WWOX: variants seen among roughly 807,000 people sequenced by gnomAD.
The protein encoded by WWOX is WW domain containing oxidoreductase.
Under a neutral mutation model 46.2 loss-of-function variants are expected in WWOX, and 69 were observed. The ratio of observed to expected loss-of-function variants is 1.49; its 90% CI spans 1.23 to 1.82. The LOEUF is 1.82. Among genes scored for constraint, WWOX ranks in the 40% most tolerant of loss-of-function variants. The pLI, the probability that WWOX is intolerant of heterozygous loss-of-function variation, is 0.00. For missense variants in WWOX, 919 were observed against 542.6 expected, an observed-to-expected ratio of 1.69 and a Z score of -6.89; for synonymous variants, 359 against 202.6, an observed-to-expected ratio of 1.77 and a Z score of -6.56.
At chr16:78,672,788 T>A (rs141940478) in intron 8 of WWOX, among the ~76,000 whole-genome samples, 2 of 152,372 alleles carry the variant, frequency 1.3e-5, no homozygotes, top group East Asian at 3.9e-4. Context: ...CTGACAGCTC[T>A]TGAGTTTCCA....
rs547273238 is a variant in WWOX at position 79,145,639 on chromosome 16, TTAAG to T, written c.1057-65965_1057-65962del. ...CAAATACAGTAAGACAAAAAAAGTC[TTAAG>T]TAATGGGATGAAACCAAAATGTTCT... On this transcript the variant is annotated intron_variant, in intron 8 of 8. Transcript: ENST00000566780. Among the ~76,000 whole-genome samples the T allele has an allele frequency of 1.1e-4, 17 of 152,326 alleles. No individual in the cohort carries two copies. The East Asian group carries it at 3.3e-3, about 29-fold the overall frequency.
chr16:79,188,241 A>G (rs1489230370), intron 8 of WWOX, among the ~76,000 whole-genome samples: 1 of 152,156 alleles, frequency 6.6e-6, no homozygotes, highest in Non-Finnish European at 1.5e-5. Context: ...AAATGGAAAC[A>G]CACACTTTTG....
At chr16:78,410,103 C>T (rs113963630) in intron 6 of WWOX, among the ~76,000 whole-genome samples, 12 of 152,246 alleles carry the variant, frequency 7.9e-5, no homozygotes, top group African/African-American at 2.4e-4. Flanking sequence ...TGATATCTGG[C>T]ACCTTCCTTC....
intron 8 of WWOX, among the ~76,000 whole-genome samples, chr16:79,183,117 G>A (rs73584706): frequency 0.029 from 4,352 of 152,270 alleles, 187 homozygotes; most frequent in African/African-American, 0.099. Flanking sequence ...CATGCAGGTG[G>A]AACCACACCG....
At chr16:79,103,000 C>T (rs1434547806) in intron 8 of WWOX, among the ~76,000 whole-genome samples, 3 of 152,110 alleles carry the variant, frequency 2.0e-5, no homozygotes, top group South Asian at 2.1e-4. Flanking sequence ...CTCCTTTCTC[C>T]TCATCCTCTT....
chr16:79,081,526 C>G (rs1013994384), intron 8 of WWOX, among the ~76,000 whole-genome samples: 11 of 152,176 alleles, frequency 7.2e-5, no homozygotes, highest in South Asian at 2.1e-4. Flanking sequence ...AGACCTTGTA[C>G]TTTGGAATCA....
At chr16:78,182,672 A>C (rs2035567294) in intron 5 of WWOX, among the ~76,000 whole-genome samples, 1 of 151,930 alleles carries the variant, frequency 6.6e-6, no homozygotes, top group African/African-American at 2.4e-5. Context: ...AAAGGTTCTC[A>C]CTGGGTGTGG....
intron 8 of WWOX, among the ~76,000 whole-genome samples, chr16:78,655,647 T>G (rs2047063923): frequency 6.6e-6 from 1 of 152,290 alleles, no homozygotes; most frequent in Admixed American, 6.5e-5. Flanking sequence ...TTTGGAATTA[T>G]ACGGTCATTT....
chr16:78,163,513 T>G (rs751830049), intron 4 of WWOX, among the ~76,000 whole-genome samples: 14 of 152,220 alleles, frequency 9.2e-5, no homozygotes, highest in Non-Finnish European at 1.9e-4. Flanking sequence ...ACCACTATGT[T>G]TGGAAATGAA....
At chr16:78,891,972 A>C (rs2044600305) in intron 8 of WWOX, 1 of 152,198 alleles carries the variant, frequency 6.6e-6, no homozygotes, top group Non-Finnish European at 1.5e-5. Context: ...TAGCTTGAGA[A>C]ATCATAACCT....
chr16:78,831,608 T>G (rs977956841), intron 8 of WWOX, among the ~76,000 whole-genome samples: 1 of 152,144 alleles, frequency 6.6e-6, no homozygotes, highest in African/African-American at 2.4e-5. Context: ...AGTCCTTAGG[T>G]GGGTCACTCA....
chr16:78,925,347 T>C (rs1403253127), intron 8 of WWOX, among the ~76,000 whole-genome samples: 1 of 151,822 alleles, frequency 6.6e-6, no homozygotes, highest in Non-Finnish European at 1.5e-5. Context: ...AGTTCTAAAA[T>C]GGCAACAAAG....
At chr16:79,198,673 C>G (rs1469932821) in intron 8 of WWOX, among the ~76,000 whole-genome samples, 1 of 152,192 alleles carries the variant, frequency 6.6e-6, no homozygotes, top group South Asian at 2.1e-4. Flanking sequence ...CCAAATTTCC[C>G]CACCCCTACG....
intron 8 of WWOX, among the ~76,000 whole-genome samples, chr16:79,168,266 T>C (rs901832629): frequency 2.0e-5 from 3 of 152,206 alleles, no homozygotes; most frequent in South Asian, 2.1e-4. Flanking sequence ...TGCTGGGTCA[T>C]ATGATCAGTC....
chr16:79,199,390 G>A (rs1016393972), intron 8 of WWOX, among the ~76,000 whole-genome samples: 2 of 152,116 alleles, frequency 1.3e-5, no homozygotes, highest in African/African-American at 4.8e-5. Context: ...GGGATAATGT[G>A]TGCAGAATTC....
intron 7 of WWOX, among the ~76,000 whole-genome samples, chr16:78,430,569 G>C (rs541444111): frequency 6.6e-6 from 1 of 152,082 alleles, no homozygotes; most frequent in Non-Finnish European, 1.5e-5. Flanking sequence ...ATCACCAGCA[G>C]TCATCACGAC....
chr16:78,674,071 A>G (rs2047530217), intron 8 of WWOX, among the ~76,000 whole-genome samples: 1 of 152,174 alleles, frequency 6.6e-6, no homozygotes, highest in Non-Finnish European at 1.5e-5. Context: ...TCAAAGAGAA[A>G]TTTCGCAAAC....
At chr16:79,095,093 C>A (rs776548166) in intron 8 of WWOX, among the ~76,000 whole-genome samples, 1 of 152,170 alleles carries the variant, frequency 6.6e-6, no homozygotes, top group Admixed American at 6.5e-5. Flanking sequence ...CTGCCCCAGC[C>A]CCGTTCTATT....
At chr16:78,184,473 G>A (rs575369484) in intron 5 of WWOX, among the ~76,000 whole-genome samples, 16 of 151,974 alleles carry the variant, frequency 1.1e-4, no homozygotes, top group Admixed American at 2.0e-4. Context: ...GATTTGTGGA[G>A]GATTTATATG....
Sources: allele counts gnomAD v4.1 joint callset (sites outside exome capture counted in the v4.1 genomes callset), GRCh38; gene constraint gnomAD v4.1.1; transcripts MANE v1.5; gene names NCBI Gene and HGNC (gene_info 2026-07-23, HGNC 2026-07-21).